DLG2: variants seen among roughly 807,000 people sequenced by gnomAD.
The protein encoded by DLG2 is disks large homolog 2.
In DLG2, 45 loss-of-function variants were observed where a neutral mutation model predicts 132.5. The ratio of observed to expected loss-of-function variants is 0.34; its 90% confidence interval spans 0.27 to 0.44. DLG2 has a LOEUF of 0.44. Ranked by LOEUF, DLG2 falls within the 20% of genes least tolerant of loss-of-function variation. The probability of loss-of-function intolerance (pLI) is 1.00; values close to 1 mark genes in which losing one functional copy is unlikely to be tolerated. For synonymous variants in DLG2, 424 were observed against 419.6 expected, an observed-to-expected ratio of 1.01 and a Z score of -0.13; for missense variants, 1,045 against 1,196.9, an observed-to-expected ratio of 0.87 and a Z score of 1.87.
chr11:84,427,524 C>T (rs539367252), intron 7 of DLG2, among the ~76,000 whole-genome samples: 23 of 151,286 alleles, frequency 1.5e-4, no homozygotes, highest in Non-Finnish European at 2.5e-4. Flanking sequence ...CAGAAGTCAA[C>T]GAAGATGACA....
chr11:83,626,572 G>A (rs552670088), intron 19 of DLG2, among the ~76,000 whole-genome samples: 2 of 152,280 alleles, frequency 1.3e-5, no homozygotes, highest in South Asian at 2.1e-4. Context: ...GGCAAAAACT[G>A]TCTCAGGTAG....
chr11:84,435,494 C>T (rs143670685), intron 7 of DLG2, among the ~76,000 whole-genome samples: 51 of 152,242 alleles, frequency 3.3e-4, no homozygotes, highest in African/African-American at 1.2e-3. Context: ...TTAACTCCTC[C>T]TAGCTCTCTT....
chr11:84,892,199 G>A (rs1033473782), intron 6 of DLG2, among the ~76,000 whole-genome samples: 2 of 152,130 alleles, frequency 1.3e-5, no homozygotes, highest in Non-Finnish European at 2.9e-5. Flanking sequence ...GATGTCATAG[G>A]ATATTTGCCA....
chr11:83,893,667 T>G (rs762359096), intron 15 of DLG2, among the ~76,000 whole-genome samples: 1 of 152,234 alleles, frequency 6.6e-6, no homozygotes, highest in African/African-American at 2.4e-5. Flanking sequence ...AATTTTGTAT[T>G]TGTTGACTTA....
intron 9 of DLG2, among the ~76,000 whole-genome samples, chr11:84,099,578 T>C (rs751403087): frequency 4.6e-5 from 7 of 151,776 alleles, no homozygotes; most frequent in Non-Finnish European, 8.8e-5. Context: ...AGAATCATAA[T>C]ACATGAGAGA....
At chr11:85,057,951 T>C (rs758783645) in intron 6 of DLG2, among the ~76,000 whole-genome samples, 3 of 151,512 alleles carry the variant, frequency 2.0e-5, no homozygotes, top group Non-Finnish European at 4.4e-5. Context: ...GACTTTAAAC[T>C]GAAAAACACT....
chr11:84,874,605 A>T (rs1225483430), intron 6 of DLG2, among the ~76,000 whole-genome samples: 2 of 152,214 alleles, frequency 1.3e-5, no homozygotes, highest in African/African-American at 4.8e-5. Flanking sequence ...TCTAGCTTCT[A>T]TGTGGAAGAT....
intron 4 of DLG2, among the ~76,000 whole-genome samples, chr11:85,236,526 C>A (rs776192477): frequency 6.6e-6 from 1 of 151,966 alleles, no homozygotes. Context: ...CTGACAGCCT[C>A]ATTTTAACTA....
chr11:83,930,366 G>A lies in DLG2; in HGVS notation c.1458C>T (p.His486=). The change falls in exon 15 of 28, where the codon CAC becomes CAT. Residue 486 remains histidine, a synonymous_variant. Transcript: ENST00000376104. The part of the protein sequence containing the change: ...KSFLLSAPYS[H]YHLGLLPDSE... ...AGTCAGGTAGCAGGCCTAGGTGGTA[G>A]TGGGAATAGGGAGCTGAGAGGAGGA... is the stretch of plus-strand genomic sequence containing the variant. The A allele has an allele frequency of 6.2e-7, 1 of 1,614,114 alleles. No homozygotes were observed. The highest frequency in any genetic ancestry group is 8.5e-7 in the Non-Finnish European group (1 of 1,179,954).
chr11:83,960,623 C>G (rs2088392736), intron 14 of DLG2, among the ~76,000 whole-genome samples: 1 of 146,842 alleles, frequency 6.8e-6, no homozygotes, highest in South Asian at 2.1e-4. Context: ...TTGGGGAATC[C>G]ATTGATTTAC....
chr11:84,842,297 T>C (rs553423502), intron 6 of DLG2, among the ~76,000 whole-genome samples: 1 of 152,036 alleles, frequency 6.6e-6, no homozygotes, highest in Admixed American at 6.6e-5. Flanking sequence ...GGCATTCTTA[T>C]CGCCACTTTA....
chr11:85,273,610 T>G (rs1287122976), intron 4 of DLG2, among the ~76,000 whole-genome samples: 2 of 152,168 alleles, frequency 1.3e-5, no homozygotes, highest in Admixed American at 1.3e-4. Context: ...AAACAACAGA[T>G]GCTGGAGAGG....
chr11:84,092,327 T>C (rs113421029), intron 10 of DLG2, among the ~76,000 whole-genome samples: 1,954 of 152,338 alleles, frequency 0.013, 21 homozygotes, highest in Non-Finnish European at 0.019. Flanking sequence ...CAGAGTTGTA[T>C]TGCAGGCCTT....
At chr11:83,533,730 T>C (rs112801279) in intron 20 of DLG2, among the ~76,000 whole-genome samples, 3,089 of 152,216 alleles carry the variant, frequency 0.02, 103 homozygotes, top group African/African-American at 0.07. Flanking sequence ...AGGGGATATA[T>C]AGGATAGGGC....
intron 7 of DLG2, among the ~76,000 whole-genome samples, chr11:84,410,620 G>A (rs980474154): frequency 9.3e-5 from 11 of 118,216 alleles, no homozygotes; most frequent in South Asian, 2.6e-4. Context: ...CGCTTTTGTC[G>A]CCCAGCTGGA....
chr11:85,207,230 C>T (rs1314143418), intron 4 of DLG2, among the ~76,000 whole-genome samples: 1 of 151,936 alleles, frequency 6.6e-6, no homozygotes. Flanking sequence ...TCTCAGATGT[C>T]TTCTTAGACT....
At chr11:84,456,971 T>G (rs1776253628) in intron 7 of DLG2, among the ~76,000 whole-genome samples, 1 of 151,254 alleles carries the variant, frequency 6.6e-6, no homozygotes, top group Non-Finnish European at 1.5e-5. Flanking sequence ...TAAATTATTG[T>G]TTTTAGTTTA....
intron 7 of DLG2, among the ~76,000 whole-genome samples, chr11:84,517,532 A>G (rs2099277490): frequency 6.6e-6 from 1 of 152,004 alleles, no homozygotes; most frequent in Non-Finnish European, 1.5e-5. Context: ...GGGAGCACTT[A>G]CACACTGTTG....
At chr11:84,807,296 A>G (rs2076102849) in intron 6 of DLG2, among the ~76,000 whole-genome samples, 1 of 152,060 alleles carries the variant, frequency 6.6e-6, no homozygotes, top group South Asian at 2.1e-4. Flanking sequence ...AAATACAAAA[A>G]TTAGTCAGGC....
Sources: allele counts gnomAD v4.1 joint callset (sites outside exome capture counted in the v4.1 genomes callset), GRCh38; gene constraint gnomAD v4.1.1; transcripts MANE v1.5; gene names NCBI Gene and HGNC (gene_info 2026-07-23, HGNC 2026-07-21).